The following DPP6 variants were observed in gnomAD, a reference collection of about 807,000 sequenced individuals.
DPP6 encodes dipeptidyl peptidase like 6, also known as A-type potassium channel modulatory protein DPP6.
In DPP6, 69 loss-of-function variants were observed where a neutral mutation model predicts 122.6. The observed-to-expected ratio is 0.56, with a 90% confidence interval of 0.46 to 0.69. The LOEUF is 0.69. Ranked by LOEUF, DPP6 falls within the 30% of genes least tolerant of loss-of-function variation. The pLI is 0.00. For synonymous variants in DPP6, 418 were observed against 433.1 expected, an observed-to-expected ratio of 0.97 and a Z score of 0.43; for missense variants, 928 against 1,116.9, an observed-to-expected ratio of 0.83 and a Z score of 2.41.
the DPP6 span, among the ~76,000 whole-genome samples, chr7:153,843,985 C>T: frequency 6.6e-6 from 1 of 152,084 alleles, no homozygotes; most frequent in East Asian, 1.9e-4. Context: ...GACAGGTGCC[C>T]CCCATGCATC....
the DPP6 span, among the ~76,000 whole-genome samples, chr7:153,794,529 A>G: frequency 6.6e-6 from 1 of 152,156 alleles, no homozygotes; most frequent in Non-Finnish European, 1.5e-5. Flanking sequence ...TTATAGGCTT[A>G]CAGGCGGTAG....
intron 7 of DPP6, among the ~76,000 whole-genome samples, chr7:154,707,130 A>G (rs1840874623): frequency 6.6e-6 from 1 of 152,242 alleles, no homozygotes; most frequent in Non-Finnish European, 1.5e-5. Context: ...GAAAAGTGGT[A>G]AAGTGAGGGA....
chr7:154,023,359 C>CACACACTT (rs1316040828), intron 1 of DPP6, among the ~76,000 whole-genome samples: 12 of 151,476 alleles, frequency 7.9e-5, no homozygotes, highest in African/African-American at 2.9e-4. Flanking sequence ...CACACACACA[C>CACACACTT]ACTTCTTAAG....
chr7:153,982,822 A>G (rs1796656983), intron 1 of DPP6, among the ~76,000 whole-genome samples: 1 of 151,958 alleles, frequency 6.6e-6, no homozygotes, highest in African/African-American at 2.4e-5. Flanking sequence ...GGTCTGCTGG[A>G]GTTTGCTGGA....
rs1450335326 is a variant in DPP6 at position 154,549,103 on chromosome 7, G to A, written c.552+8477G>A. Among the ~76,000 whole-genome samples the A allele has an allele frequency of 2.0e-5, 3 of 152,152 alleles. No homozygotes were observed. The East Asian group carries it at 5.8e-4, about 29-fold the overall frequency. ...CATTGTGTGTAGTCTTTAGTCTGTA[G>A]CACATGGAAAGGTGTCAACCAAAAT... is the stretch of plus-strand genomic sequence containing the variant. On this transcript the variant is annotated intron_variant, in intron 4 of 25. Transcript: ENST00000377770.
rs564061697 is a variant in DPP6 at position 154,096,893 on chromosome 7, T to A, written c.243+43830T>A. Reference sequence around the variant, plus strand: ...CAGCAAAGGTCAACGTGATTTATATTTTTAGAAAACCAGGTATTAGTAGTT... The same window carrying A: ...CAGCAAAGGTCAACGTGATTTATATATTTAGAAAACCAGGTATTAGTAGTT... On this transcript the variant is annotated intron_variant, in intron 1 of 25. Transcript: ENST00000377770. 2.0e-5 allele frequency among the ~76,000 whole-genome samples: 3 copies of A among 152,348 alleles called. No homozygotes were observed. The South Asian group carries it at 6.2e-4, about 32-fold the overall frequency.
At chr7:154,319,465 G>A (rs764766301) in intron 1 of DPP6, among the ~76,000 whole-genome samples, 19 of 152,050 alleles carry the variant, frequency 1.2e-4, no homozygotes, top group Admixed American at 4.6e-4. Context: ...AGGCCGAGGC[G>A]GGTGGATTGC....
chr7:154,748,840 C>T (rs1047934633), intron 8 of DPP6, among the ~76,000 whole-genome samples: 2 of 152,246 alleles, frequency 1.3e-5, no homozygotes, highest in African/African-American at 4.8e-5. Flanking sequence ...CCATCAACAG[C>T]TCATTCTAGG....
intron 8 of DPP6, among the ~76,000 whole-genome samples, chr7:154,759,076 T>C (rs902627721): frequency 6.6e-6 from 1 of 152,200 alleles, no homozygotes; most frequent in African/African-American, 2.4e-5. Flanking sequence ...GACAGAAGAT[T>C]GTGAATGGAA....
chr7:154,167,342 G>GT (rs1326370031), intron 1 of DPP6, among the ~76,000 whole-genome samples: 2 of 152,214 alleles, frequency 1.3e-5, no homozygotes, highest in Non-Finnish European at 2.9e-5. Flanking sequence ...TATTTTCTAG[G>GT]AAGCCACTCA....
At chr7:154,587,823 C>T in intron 5 of DPP6, 1 of 1,612,780 alleles carries the variant, frequency 6.2e-7, no homozygotes. Context: ...TCAATGGATA[C>T]AGCACAGCAT....
At position 154,202,886 on chromosome 7, in the gene DPP6, A is replaced by G. The variant is rs1306120347; in HGVS notation, c.243+149823A>G. On this transcript the variant is annotated intron_variant, in intron 1 of 25. Coordinates refer to ENST00000377770, the MANE Select transcript of DPP6 (RefSeq NM_130797.4). ...TATTAGGCCTTTAATTTTTTTCCAA[A>G]TGTCAGCTAACAGGCACAGGCATGC... Among the ~76,000 whole-genome samples, 7 of 152,302 alleles carry G rather than the reference A, an allele frequency of 4.6e-5. No individual in the cohort carries two copies. In the East Asian group the frequency reaches 1.3e-3, roughly 29 times the overall value.
rs536620513 is a variant in DPP6 at position 154,282,224 on chromosome 7, A to G, written c.244-163990A>G. 1.4e-3 allele frequency among the ~76,000 whole-genome samples: 216 copies of G among 151,868 alleles called. 1 individual carries two copies. The highest frequency in any genetic ancestry group is 5.1e-3 in the African/African-American group (211 of 41,394). On this transcript the variant is annotated intron_variant, in intron 1 of 25. Transcript: ENST00000377770. The surrounding 1 kb of genome is among the most constrained non-coding windows in gnomAD (Gnocchi z 4.8). Reference sequence around the variant, plus strand: ...CTGTGGCCCCATAGAGAAGACTCCAATCTGTGGTTTTCATTGATGGTGGCA... The same window carrying G: ...CTGTGGCCCCATAGAGAAGACTCCAGTCTGTGGTTTTCATTGATGGTGGCA...
At chr7:154,278,360 C>G (rs971781898) in intron 1 of DPP6, among the ~76,000 whole-genome samples, 3 of 152,168 alleles carry the variant, frequency 2.0e-5, no homozygotes, top group Non-Finnish European at 4.4e-5. Context: ...TTCACATGCC[C>G]TCGTGGAAGA....
chr7:154,420,231 G>A (rs1163290021), intron 1 of DPP6, among the ~76,000 whole-genome samples: 1 of 152,128 alleles, frequency 6.6e-6, no homozygotes, highest in Admixed American at 6.6e-5. Context: ...CAGCTACTCG[G>A]GATGCTGAGG....
intron 1 of DPP6, among the ~76,000 whole-genome samples, chr7:154,297,073 T>G (rs527474786): frequency 7.2e-6 from 1 of 139,576 alleles, no homozygotes; most frequent in South Asian, 2.3e-4. Context: ...GTTTTTTTTT[T>G]TTTGTTTTGT....
At chr7:154,537,156 T>C (rs959082992) in intron 3 of DPP6, among the ~76,000 whole-genome samples, 6 of 152,074 alleles carry the variant, frequency 3.9e-5, no homozygotes, top group Admixed American at 1.3e-4. Flanking sequence ...CACATAAAAC[T>C]AATGAATATT....
At chr7:153,894,255 A>T (rs1481482032) in intron 1 of DPP6, among the ~76,000 whole-genome samples, 2 of 152,208 alleles carry the variant, frequency 1.3e-5, no homozygotes, top group Non-Finnish European at 2.9e-5. Context: ...AGATCATTTT[A>T]AAATTTTCTG....
At chr7:154,578,117 A>G (rs1368501207) in intron 5 of DPP6, among the ~76,000 whole-genome samples, 5 of 152,220 alleles carry the variant, frequency 3.3e-5, no homozygotes, top group Non-Finnish European at 4.4e-5. Context: ...CAGGGTTAAA[A>G]TTAGAAAACC....
Sources: allele counts gnomAD v4.1 joint callset (sites outside exome capture counted in the v4.1 genomes callset), GRCh38; gene constraint gnomAD v4.1.1; non-coding constraint Gnocchi (gnomAD v3.1); transcripts MANE v1.5; gene names NCBI Gene and HGNC (gene_info 2026-07-23, HGNC 2026-07-21).